HIBADH: variants seen among roughly 807,000 people sequenced by gnomAD.
HIBADH encodes the protein 3-hydroxyisobutyrate dehydrogenase, mitochondrial.
Under a neutral mutation model 36.1 loss-of-function variants are expected in HIBADH, and 25 were observed. The ratio of observed to expected loss-of-function variants is 0.69; its 90% CI spans 0.50 to 0.97. The LOEUF is 0.97. Ranked by LOEUF, HIBADH falls within the 50% of genes least tolerant of loss-of-function variation. The pLI, the probability that HIBADH is intolerant of heterozygous loss-of-function variation, is 0.00. For missense variants in HIBADH, 421 were observed against 418.0 expected (o/e 1.01, Z -0.06); for synonymous variants, 160 against 149.5 (o/e 1.07, Z -0.51).
chr7:27,593,972 G>A (rs553094255), intron 4 of HIBADH, among the ~76,000 whole-genome samples: 31 of 150,922 alleles, frequency 2.1e-4, no homozygotes, highest in African/African-American at 7.3e-4. Flanking sequence ...GCAGTGAGCC[G>A]AGATTGCGCC....
At chr7:27,546,408 G>A (rs1331213332) in intron 4 of HIBADH, among the ~76,000 whole-genome samples, 2 of 152,026 alleles carry the variant, frequency 1.3e-5, no homozygotes. Flanking sequence ...TATGAGCACC[G>A]TGACCAGCTA....
chr7:27,539,631 A>C (rs1296229790), intron 5 of HIBADH, among the ~76,000 whole-genome samples: 2 of 152,154 alleles, frequency 1.3e-5, no homozygotes, highest in Non-Finnish European at 2.9e-5. Flanking sequence ...TGTACTACAA[A>C]TAGAGAGGAC....
intron 1 of HIBADH, among the ~76,000 whole-genome samples, chr7:27,652,995 G>A (rs939946700): frequency 1.3e-5 from 2 of 152,098 alleles, no homozygotes; most frequent in Non-Finnish European, 1.5e-5. Context: ...CAGGCATGGT[G>A]GCATGTGCTT....
chr7:27,551,551 A>C (rs1313035576), intron 4 of HIBADH, among the ~76,000 whole-genome samples: 1 of 152,206 alleles, frequency 6.6e-6, no homozygotes, highest in African/African-American at 2.4e-5. Flanking sequence ...CTTACTGAAA[A>C]GCTGACCCAA....
chr7:27,571,379 T>C (rs1422516678), intron 4 of HIBADH, among the ~76,000 whole-genome samples: 1 of 151,966 alleles, frequency 6.6e-6, no homozygotes, highest in East Asian at 1.9e-4. Flanking sequence ...TGTGCCACCA[T>C]GCCCGGCTAA....
intron 4 of HIBADH, among the ~76,000 whole-genome samples, chr7:27,586,405 G>A (rs1296232003): frequency 2.0e-5 from 3 of 151,626 alleles, no homozygotes; most frequent in Admixed American, 6.6e-5. Context: ...AAGGGAGGGA[G>A]GGAGGGGAAG....
chr7:27,554,717 C>T (rs1784366418), intron 4 of HIBADH, among the ~76,000 whole-genome samples: 1 of 152,074 alleles, frequency 6.6e-6, no homozygotes. Flanking sequence ...AAGCAAAAGG[C>T]AAGATGATAA....
At chr7:27,595,018 AT>A (rs1785007283) in intron 4 of HIBADH, among the ~76,000 whole-genome samples, 1 of 152,194 alleles carries the variant, frequency 6.6e-6, no homozygotes, top group Non-Finnish European at 1.5e-5. Flanking sequence ...TTTCTTTTTA[AT>A]TTTACAAACT....
chr7:27,594,257 C>A lies in HIBADH; in HGVS notation c.484+35114G>T, dbSNP rs180820888. On this transcript the variant is annotated intron_variant, in intron 4 of 7. Transcript: ENST00000265395. ...CTCCTGGGTTCAACTGATTCTCCTG[C>A]CTCAGCCTCCCGAATAGCTGGGATT... 5.2e-3 allele frequency among the ~76,000 whole-genome samples: 788 copies of A among 151,438 alleles called. 5 individuals carry two copies. The highest frequency in any genetic ancestry group is 7.2e-3 in the Non-Finnish European group (486 of 67,896).
At chr7:27,626,983 C>T (rs1468169182) in intron 4 of HIBADH, among the ~76,000 whole-genome samples, 1 of 152,062 alleles carries the variant, frequency 6.6e-6, no homozygotes, top group Non-Finnish European at 1.5e-5. Context: ...CCATGCTTTC[C>T]CCACATCCCT....
At chr7:27,650,496 ATTTATTTATTTT>A (rs1373496506) in intron 1 of HIBADH, among the ~76,000 whole-genome samples, 2 of 147,078 alleles carry the variant, frequency 1.4e-5, no homozygotes, top group African/African-American at 5.1e-5. Flanking sequence ...TTATTTATTT[ATTTATTTATTTT>A]TTGAGACGGA....
chr7:27,582,320 C>A (rs887478642), intron 4 of HIBADH, among the ~76,000 whole-genome samples: 1 of 152,066 alleles, frequency 6.6e-6, no homozygotes, highest in South Asian at 2.1e-4. Flanking sequence ...TCATATATTT[C>A]ATTGCAGAAA....
At chr7:27,608,920 A>G (rs1352797904) in intron 4 of HIBADH, among the ~76,000 whole-genome samples, 2 of 152,218 alleles carry the variant, frequency 1.3e-5, no homozygotes, top group Admixed American at 1.3e-4. Context: ...ATAACCATGT[A>G]AAGAGAACAC....
intron 4 of HIBADH, among the ~76,000 whole-genome samples, chr7:27,578,767 T>C (rs960769886): frequency 2.0e-5 from 3 of 152,218 alleles, no homozygotes; most frequent in Non-Finnish European, 2.9e-5. Flanking sequence ...AGTCAAACTC[T>C]GCTTCCTTGC....
intron 4 of HIBADH, among the ~76,000 whole-genome samples, chr7:27,555,300 TAC>T (rs1218427339): frequency 1.1e-5 from 1 of 92,354 alleles, no homozygotes; most frequent in African/African-American, 4.4e-5. Flanking sequence ...TTTCTTGCTC[TAC>T]TTTTTTTTTT....
At chr7:27,585,570 T>C (rs1784850152) in intron 4 of HIBADH, among the ~76,000 whole-genome samples, 2 of 152,208 alleles carry the variant, frequency 1.3e-5, no homozygotes, top group Non-Finnish European at 2.9e-5. Flanking sequence ...AATGAAGATA[T>C]TATTTACCCT....
intron 2 of HIBADH, 134 bp from the exon 3 acceptor site, chr7:27,632,579 C>CAA (rs1785766029): frequency 1.3e-5 from 4 of 305,936 alleles, no homozygotes; most frequent in South Asian, 1.0e-4. Context: ...TTGCAAATGA[C>CAA]CAAAAAAAAA....
At chr7:27,550,160 C>T (rs1312753445) in intron 4 of HIBADH, among the ~76,000 whole-genome samples, 1 of 152,134 alleles carries the variant, frequency 6.6e-6, no homozygotes, top group Non-Finnish European at 1.5e-5. Flanking sequence ...CCTCCTGCCT[C>T]GGCCTCCCAA....
intron 4 of HIBADH, among the ~76,000 whole-genome samples, chr7:27,622,004 C>T (rs1442014287): frequency 6.6e-6 from 1 of 152,076 alleles, no homozygotes; most frequent in Non-Finnish European, 1.5e-5. Context: ...TTTGGGAGGC[C>T]AGCACTTTGG....
Sources: gnomAD v4.1 joint callset for allele counts (sites outside exome capture counted in the v4.1 genomes callset) on GRCh38, gnomAD v4.1.1 for gene constraint, MANE v1.5 for transcripts, NCBI Gene and HGNC (gene_info 2026-07-23, HGNC 2026-07-21) for gene names.